The following LRRFIP1 variants were observed in gnomAD, a reference collection of about 807,000 sequenced individuals.
LRRFIP1 encodes LRR binding FLII interacting protein 1.
In LRRFIP1, 62 loss-of-function variants were observed where a neutral mutation model predicts 104.4. That is an observed-to-expected ratio of 0.59 (90% CI 0.48 to 0.73). LRRFIP1 has a LOEUF of 0.73. LRRFIP1 is among the 30% of genes least tolerant of loss of function. The pLI is 0.00. For missense variants in LRRFIP1, 796 were observed against 824.5 expected (o/e 0.97, Z 0.42); for synonymous variants, 300 against 299.0 (o/e 1.00, Z -0.03).
chr2:237,747,298 G>A (rs1241643147), intron 11 of LRRFIP1, among the ~76,000 whole-genome samples: 3 of 152,216 alleles, frequency 2.0e-5, no homozygotes, highest in African/African-American at 4.8e-5. Context: ...AGGAGAAGTT[G>A]AAGGTACAAG....
intron 19 of LRRFIP1, among the ~76,000 whole-genome samples, chr2:237,767,385 A>G (rs2060311659): frequency 6.6e-6 from 1 of 152,234 alleles, no homozygotes; most frequent in Non-Finnish European, 1.5e-5. Context: ...AACATTGGTT[A>G]CTGACACCTG....
chr2:237,768,976 T>G (rs984412776), intron 19 of LRRFIP1: 1 of 152,276 alleles, frequency 6.6e-6, no homozygotes, highest in Non-Finnish European at 1.5e-5. Flanking sequence ...GGTGCAGTGT[T>G]TAGGGGAGTG....
intron 16 of LRRFIP1, 88 bp downstream of exon 16, chr2:237,756,275 A>G: frequency 1.1e-6 from 1 of 879,488 alleles, no homozygotes; most frequent in African/African-American, 1.7e-5. Flanking sequence ...GGCTGCAGTA[A>G]TAAAATACCA....
In LRRFIP1 at chr2:237,691,533, G is replaced by T. The variant is rs990956065; in HGVS notation, c.97-17011G>T. Among the ~76,000 whole-genome samples the T allele has an allele frequency of 1.3e-5, 2 of 152,228 alleles. No individual in the cohort carries two copies. The highest frequency in any genetic ancestry group is 4.8e-5 in the African/African-American group (2 of 41,464). ...ACGCAGCTGCGTCGTCCTGGAAGTC[G>T]GCCCTTCTCGGGATGCCGCGTTAGT... On this transcript the variant is annotated intron_variant, in intron 1 of 23. Coordinates refer to ENST00000308482, the MANE Select transcript of LRRFIP1 (RefSeq NM_001137550.2). This position sits in a 1 kb window ranked among gnomAD's most constrained non-coding sequence, Gnocchi z 5.4.
intron 1 of LRRFIP1, among the ~76,000 whole-genome samples, chr2:237,651,690 A>C (rs1391935708): frequency 6.6e-6 from 1 of 152,260 alleles, no homozygotes; most frequent in African/African-American, 2.4e-5. Flanking sequence ...ATGTAATATG[A>C]GCCACATATG....
chr2:237,704,397 G>A (rs570993354), intron 1 of LRRFIP1, among the ~76,000 whole-genome samples: 29 of 152,054 alleles, frequency 1.9e-4, no homozygotes, highest in African/African-American at 6.0e-4. Flanking sequence ...CAGGTGATCC[G>A]CCCACCTCAG....
intron 8 of LRRFIP1, among the ~76,000 whole-genome samples, chr2:237,733,076 A>C (rs1160886256): frequency 6.6e-6 from 1 of 152,130 alleles, no homozygotes; most frequent in Non-Finnish European, 1.5e-5. Context: ...CTGGCCGTGC[A>C]CCTTGCCTGA....
At chr2:237,774,183 AACC>A (rs771703742) in intron 22 of LRRFIP1, 172 bp from the exon 23 acceptor site, 9 of 585,172 alleles carry the variant, frequency 1.5e-5, no homozygotes, top group Non-Finnish European at 2.8e-5. Context: ...CAGAAATAGT[AACC>A]AAGAATAGCT....
At chr2:237,705,812 C>G (rs910549957) in intron 1 of LRRFIP1, among the ~76,000 whole-genome samples, 1 of 152,184 alleles carries the variant, frequency 6.6e-6, no homozygotes, top group African/African-American at 2.4e-5. Context: ...AATTCAGTTC[C>G]TTGTGGTTGT....
chr2:237,689,926 G>A (rs547750436), intron 1 of LRRFIP1, among the ~76,000 whole-genome samples: 4 of 152,284 alleles, frequency 2.6e-5, no homozygotes, highest in Middle Eastern at 3.4e-3. Flanking sequence ...CCCTCACAGC[G>A]GGCACTGTCA....
At chr2:237,752,133 G>C (rs777680888) in intron 14 of LRRFIP1, among the ~76,000 whole-genome samples, 1 of 152,214 alleles carries the variant, frequency 6.6e-6, no homozygotes, top group Non-Finnish European at 1.5e-5. Flanking sequence ...TTGGCCAGGC[G>C]TGGTGGCTCA....
At chr2:237,689,941 C>T (rs939650780) in intron 1 of LRRFIP1, among the ~76,000 whole-genome samples, 2 of 152,224 alleles carry the variant, frequency 1.3e-5, no homozygotes, top group Admixed American at 1.3e-4. Context: ...CTGTCATTAT[C>T]ACCGGCATGT....
chr2:237,666,576 C>T (rs1474811795), intron 1 of LRRFIP1, among the ~76,000 whole-genome samples: 1 of 87,638 alleles, frequency 1.1e-5, no homozygotes, highest in African/African-American at 3.0e-5. Flanking sequence ...TGGGGATTTT[C>T]ATCTCTTCCT....
chr2:237,725,991 T>C (rs1027007854), intron 7 of LRRFIP1, among the ~76,000 whole-genome samples: 4 of 152,252 alleles, frequency 2.6e-5, no homozygotes, highest in Admixed American at 1.3e-4. Context: ...GCCTTCATTA[T>C]TTTATTAATT....
intron 4 of LRRFIP1, among the ~76,000 whole-genome samples, chr2:237,719,089 T>C (rs1236651282): frequency 6.6e-6 from 1 of 152,176 alleles, no homozygotes; most frequent in East Asian, 1.9e-4. Flanking sequence ...TGAAAAACCG[T>C]GTGTGTCTTA....
chr2:237,769,306 A>C (rs941142280), intron 19 of LRRFIP1: 12 of 152,314 alleles, frequency 7.9e-5, no homozygotes, highest in African/African-American at 2.9e-4. Context: ...GTTCAGAGAG[A>C]TGTTTGGGGA....
At chr2:237,707,985 C>T (rs2093896892) in intron 1 of LRRFIP1, among the ~76,000 whole-genome samples, 1 of 152,212 alleles carries the variant, frequency 6.6e-6, no homozygotes, top group Non-Finnish European at 1.5e-5. Flanking sequence ...CAGCAGTTCG[C>T]TGGGATTACA....
intron 1 of LRRFIP1, among the ~76,000 whole-genome samples, chr2:237,631,583 T>C (rs2082346485): frequency 6.6e-6 from 1 of 152,302 alleles, no homozygotes; most frequent in Admixed American, 6.5e-5. Context: ...ACCAAAGGCA[T>C]GAGCTGCGCC....
At chr2:237,732,471 T>A (rs1169971865) in intron 8 of LRRFIP1, among the ~76,000 whole-genome samples, 1 of 152,254 alleles carries the variant, frequency 6.6e-6, no homozygotes, top group Non-Finnish European at 1.5e-5. Context: ...ATCACTTTAA[T>A]TGCTGATTAC....
Sources: gnomAD v4.1 joint callset for allele counts (sites outside exome capture counted in the v4.1 genomes callset) on GRCh38, gnomAD v4.1.1 for gene constraint, Gnocchi (gnomAD v3.1) non-coding constraint, MANE v1.5 for transcripts, NCBI Gene and HGNC (gene_info 2026-07-23, HGNC 2026-07-21) for gene names.